SNTG1: variants seen among roughly 807,000 people sequenced by gnomAD.
SNTG1 encodes the protein syntrophin gamma 1, also known as gamma-1-syntrophin.
A neutral mutation model predicts 74.7 loss-of-function variants in SNTG1; 39 were observed. The ratio of observed to expected loss-of-function variants is 0.52; its 90% CI spans 0.40 to 0.68. SNTG1 has a LOEUF of 0.68. SNTG1 is among the 30% of genes least tolerant of loss of function. The pLI is 0.00. For missense variants in SNTG1, 685 were observed against 609.5 expected, an observed-to-expected ratio of 1.12 and a Z score of -1.30; for synonymous variants, 254 against 217.1, an observed-to-expected ratio of 1.17 and a Z score of -1.49.
chr8:50,660,783 TAA>T lies in SNTG1; in HGVS notation c.1038+2122_1038+2123del, dbSNP rs138003614. 5.5e-3 allele frequency among the ~76,000 whole-genome samples: 834 copies of T among 152,142 alleles called. 10 individuals are homozygous for T. The highest frequency in any genetic ancestry group is 0.019 in the African/African-American group (794 of 41,566). On this transcript the variant is annotated intron_variant, in intron 15 of 18. Transcript: ENST00000642720. ...AAAAGGATAATTTTAAAGGAAATAA[TAA>T]ACATTATGTTTAGCTCTATCAAGAT...
chr8:50,563,061 G>A (rs965736777), intron 12 of SNTG1, among the ~76,000 whole-genome samples: 6 of 152,132 alleles, frequency 3.9e-5, no homozygotes, highest in African/African-American at 1.2e-4. Context: ...CACAAGACGA[G>A]AATAAGGAAC....
chr8:50,231,824 A>T (rs1400402852), intron 2 of SNTG1, among the ~76,000 whole-genome samples: 4 of 151,444 alleles, frequency 2.6e-5, no homozygotes, highest in African/African-American at 9.6e-5. Context: ...TATTGTTAAT[A>T]ACTGAGTACT....
intron 1 of SNTG1, among the ~76,000 whole-genome samples, chr8:50,099,249 G>C (rs1307485451): frequency 1.3e-5 from 2 of 152,024 alleles, no homozygotes; most frequent in Admixed American, 1.3e-4. Context: ...AATTTAGATA[G>C]TATTTTAATT....
At chr8:50,700,480 C>G (rs76145607) in intron 15 of SNTG1, among the ~76,000 whole-genome samples, 1,782 of 152,294 alleles carry the variant, frequency 0.012, 35 homozygotes, top group African/African-American at 0.041. Flanking sequence ...CCTCCTCCCA[C>G]CCATCCACTC....
chr8:50,674,047 GT>G (rs1377784510), intron 15 of SNTG1, among the ~76,000 whole-genome samples: 1 of 152,110 alleles, frequency 6.6e-6, no homozygotes, highest in African/African-American at 2.4e-5. Flanking sequence ...TGGTGGGTAA[GT>G]TTTTTGATGT....
intron 2 of SNTG1, among the ~76,000 whole-genome samples, chr8:50,360,307 G>A (rs953909292): frequency 2.0e-5 from 3 of 152,108 alleles, no homozygotes; most frequent in Non-Finnish European, 2.9e-5. Context: ...TAGTCATGTG[G>A]ATTGCTCAGC....
chr8:50,650,131 C>G (rs1157254544), intron 13 of SNTG1, among the ~76,000 whole-genome samples: 1 of 151,674 alleles, frequency 6.6e-6, no homozygotes, highest in African/African-American at 2.4e-5. Flanking sequence ...TACAAATACC[C>G]ATATTTGGAT....
At chr8:50,376,879 T>C (rs957076092) in intron 2 of SNTG1, among the ~76,000 whole-genome samples, 7 of 151,676 alleles carry the variant, frequency 4.6e-5, no homozygotes, top group Non-Finnish European at 8.8e-5. Flanking sequence ...CTTTGATCAG[T>C]TGTCTTGTGC....
intron 1 of SNTG1, among the ~76,000 whole-genome samples, chr8:50,122,620 C>T (rs545593015): frequency 2.1e-5 from 3 of 141,664 alleles, no homozygotes; most frequent in Non-Finnish European, 4.7e-5. Context: ...GGAGGTGAGG[C>T]GGTAGCTCAG....
chr8:50,327,649 C>A (rs942859330), intron 2 of SNTG1, among the ~76,000 whole-genome samples: 2 of 152,082 alleles, frequency 1.3e-5, no homozygotes, highest in African/African-American at 4.8e-5. Flanking sequence ...AGACCATTGA[C>A]ATTATACTGG....
intron 1 of SNTG1, among the ~76,000 whole-genome samples, chr8:49,942,132 G>C (rs1033715432): frequency 1.3e-5 from 2 of 152,088 alleles, no homozygotes; most frequent in African/African-American, 4.8e-5. Flanking sequence ...AGGAGTAAAG[G>C]TAATATTGTA....
intron 2 of SNTG1, among the ~76,000 whole-genome samples, chr8:50,236,638 G>T (rs1046656077): frequency 1.3e-5 from 2 of 151,910 alleles, no homozygotes; most frequent in Non-Finnish European, 2.9e-5. Flanking sequence ...TTTTAGTAGA[G>T]ACGGGGTTTC....
chr8:50,420,726 C>T (rs572768683), intron 4 of SNTG1, among the ~76,000 whole-genome samples: 1 of 151,790 alleles, frequency 6.6e-6, no homozygotes, highest in Non-Finnish European at 1.5e-5. Context: ...TTTGTAACAA[C>T]TAAAAATAGG....
At chr8:50,044,150 G>A (rs970660146) in intron 1 of SNTG1, among the ~76,000 whole-genome samples, 1 of 152,200 alleles carries the variant, frequency 6.6e-6, no homozygotes, top group Non-Finnish European at 1.5e-5. Flanking sequence ...GAAGTCCCTA[G>A]TTATGGAAGA....
At chr8:49,968,455 T>A (rs1811350452) in intron 1 of SNTG1, among the ~76,000 whole-genome samples, 1 of 152,084 alleles carries the variant, frequency 6.6e-6, no homozygotes. Flanking sequence ...GTCTTGACAT[T>A]GCATTAATTT....
At chr8:50,081,730 T>C (rs1271858176) in intron 1 of SNTG1, among the ~76,000 whole-genome samples, 1 of 152,046 alleles carries the variant, frequency 6.6e-6, no homozygotes, top group African/African-American at 2.4e-5. Flanking sequence ...GCCTCCCGAG[T>C]TCAAGTGATT....
At chr8:50,418,926 A>C (rs1216753427) in intron 4 of SNTG1, among the ~76,000 whole-genome samples, 1 of 152,180 alleles carries the variant, frequency 6.6e-6, no homozygotes. Flanking sequence ...GGATATATCC[A>C]GTCTTTCTTC....
chr8:50,076,308 A>AT (rs374346837), intron 1 of SNTG1, among the ~76,000 whole-genome samples: 1 of 152,108 alleles, frequency 6.6e-6, no homozygotes, highest in Non-Finnish European at 1.5e-5. Context: ...ACAAAAAAAA[A>AT]CCTGAATTCT....
intron 11 of SNTG1, 124 bp from the exon 12 acceptor site, chr8:50,552,926 A>G: frequency 8.4e-7 from 1 of 1,189,044 alleles, no homozygotes; most frequent in Admixed American, 2.6e-5. Context: ...CAGGTAACCA[A>G]ATATGAATTT....
Sources: gnomAD v4.1 joint callset for allele counts (sites outside exome capture counted in the v4.1 genomes callset) on GRCh38, gnomAD v4.1.1 for gene constraint, MANE v1.5 for transcripts, NCBI Gene and HGNC (gene_info 2026-07-23, HGNC 2026-07-21) for gene names.